The following ITFG1 variants were observed in gnomAD, a reference collection of about 807,000 sequenced individuals.
ITFG1 encodes T-cell immunomodulatory protein.
A neutral mutation model predicts 81.8 loss-of-function variants in ITFG1; 34 were observed. That is an observed-to-expected ratio of 0.42 (90% CI 0.32 to 0.55). The LOEUF (loss-of-function observed/expected upper bound fraction) is 0.55, where lower values mean the gene tolerates loss of function less well. Ranked by LOEUF, ITFG1 falls within the 20% of genes least tolerant of loss-of-function variation. The pLI, the probability that ITFG1 is intolerant of heterozygous loss-of-function variation, is 0.17. For missense variants in ITFG1, 672 were observed against 755.4 expected, an observed-to-expected ratio of 0.89 and a Z score of 1.29; for synonymous variants, 285 against 270.6, an observed-to-expected ratio of 1.05 and a Z score of -0.52.
intron 8 of ITFG1, among the ~76,000 whole-genome samples, chr16:47,353,799 C>CA (rs924449734): frequency 2.6e-5 from 4 of 151,230 alleles, no homozygotes; most frequent in African/African-American, 7.3e-5. Flanking sequence ...ACAATATTTA[C>CA]AAAAAAAATA....
chr16:47,297,560 C>A (rs1249455506), intron 10 of ITFG1, among the ~76,000 whole-genome samples: 1 of 151,386 alleles, frequency 6.6e-6, no homozygotes, highest in Non-Finnish European at 1.5e-5. Flanking sequence ...GCTTTTGTGG[C>A]AAAGACTTTA....
intron 5 of ITFG1, among the ~76,000 whole-genome samples, chr16:47,443,294 T>C (rs964037690): frequency 1.2e-4 from 18 of 152,180 alleles, no homozygotes; most frequent in African/African-American, 4.1e-4. Context: ...TTTTACACTG[T>C]TGGTGGGAGT....
chr16:47,421,575 T>A (rs1247471824), intron 6 of ITFG1, among the ~76,000 whole-genome samples: 2 of 152,164 alleles, frequency 1.3e-5, no homozygotes, highest in Non-Finnish European at 2.9e-5. Flanking sequence ...AGTGCTGGGA[T>A]TACAGGGGTG....
intron 14 of ITFG1, among the ~76,000 whole-genome samples, chr16:47,215,027 T>C (rs996273893): frequency 5.3e-5 from 8 of 152,060 alleles, no homozygotes; most frequent in Non-Finnish European, 7.4e-5. Context: ...CTCTGATCAA[T>C]AGATTGTTTT....
chr16:47,325,191 G>A (rs558603133), intron 8 of ITFG1, among the ~76,000 whole-genome samples: 24 of 152,058 alleles, frequency 1.6e-4, no homozygotes, highest in East Asian at 1.9e-4. Context: ...ACTCAAAACC[G>A]CTCAACTACA....
chr16:47,415,088 C>T (rs558881159), intron 6 of ITFG1, among the ~76,000 whole-genome samples: 1 of 152,268 alleles, frequency 6.6e-6, no homozygotes, highest in African/African-American at 2.4e-5. Context: ...ATTAATGTTC[C>T]CATGTGTCTG....
chr16:47,344,311 A>C (rs1002595978), intron 8 of ITFG1, among the ~76,000 whole-genome samples: 1 of 152,226 alleles, frequency 6.6e-6, no homozygotes, highest in Non-Finnish European at 1.5e-5. Flanking sequence ...AAAGTAGATT[A>C]GTAGTCATCT....
At chr16:47,183,179 G>C (rs968616242) in intron 14 of ITFG1, among the ~76,000 whole-genome samples, 2 of 152,230 alleles carry the variant, frequency 1.3e-5, no homozygotes, top group Non-Finnish European at 2.9e-5. Context: ...AGATCAAACT[G>C]CAAGGCGGCA....
At chr16:47,156,511 C>G (rs1022221890) in intron 17 of ITFG1, among the ~76,000 whole-genome samples, 2 of 152,146 alleles carry the variant, frequency 1.3e-5, no homozygotes, top group Non-Finnish European at 2.9e-5. Context: ...AATACCAATA[C>G]TGTGTTTGCT....
chr16:47,358,875 G>A lies in ITFG1; in HGVS notation c.802+6913C>T, dbSNP rs189881924. The stretch of plus-strand genomic sequence containing the variant: ...AATACACCAATGGAGTTCTGGTGAG[G>A]GCACATGAGTAGAATGAATACCATG... On this transcript the variant is annotated intron_variant, in intron 8 of 17. Coordinates refer to ENST00000320640, the MANE Select transcript of ITFG1 (RefSeq NM_030790.5). Among the ~76,000 whole-genome samples the A allele has an allele frequency of 1.9e-3, 287 of 152,188 alleles. 1 individual carries two copies. The highest frequency in any genetic ancestry group is 6.6e-3 in the African/African-American group (274 of 41,524).
intron 12 of ITFG1, among the ~76,000 whole-genome samples, chr16:47,245,089 G>A (rs1965985443): frequency 6.6e-6 from 1 of 152,168 alleles, no homozygotes; most frequent in South Asian, 2.1e-4. Context: ...GCTCATGCCT[G>A]TAATCCCAGC....
At chr16:47,244,400 TTATCTC>T (rs1161456146) in intron 12 of ITFG1, among the ~76,000 whole-genome samples, 4 of 152,114 alleles carry the variant, frequency 2.6e-5, no homozygotes, top group African/African-American at 9.7e-5. Flanking sequence ...ATCTGACAGA[TTATCTC>T]TAGGTAGATA....
intron 6 of ITFG1, among the ~76,000 whole-genome samples, chr16:47,413,899 C>T (rs927583085): frequency 6.6e-6 from 1 of 152,238 alleles, no homozygotes; most frequent in East Asian, 1.9e-4. Context: ...TGGCTCACTG[C>T]AACCTCTGCC....
chr16:47,335,249 AG>A (rs1967687759), intron 8 of ITFG1, among the ~76,000 whole-genome samples: 1 of 151,860 alleles, frequency 6.6e-6, no homozygotes, highest in African/African-American at 2.4e-5. Context: ...CCCAGCTACT[AG>A]GGAGGCTGAG....
intron 13 of ITFG1, among the ~76,000 whole-genome samples, chr16:47,227,053 G>A (rs1434091954): frequency 6.6e-6 from 1 of 152,154 alleles, no homozygotes; most frequent in Non-Finnish European, 1.5e-5. Flanking sequence ...TACACCATCT[G>A]TATAATGAAC....
chr16:47,178,941 G>A (rs1331351626), intron 14 of ITFG1, among the ~76,000 whole-genome samples: 1 of 152,120 alleles, frequency 6.6e-6, no homozygotes, highest in East Asian at 1.9e-4. Flanking sequence ...CTTCTCAAAA[G>A]AAGACATTTA....
chr16:47,224,745 C>G (rs183113920), intron 13 of ITFG1, among the ~76,000 whole-genome samples: 1 of 152,212 alleles, frequency 6.6e-6, no homozygotes, highest in Admixed American at 6.5e-5. Flanking sequence ...CAAGGAAGCA[C>G]AGATGTTAGA....
intron 6 of ITFG1, among the ~76,000 whole-genome samples, chr16:47,419,203 T>C (rs781221935): frequency 6.6e-6 from 1 of 152,198 alleles, no homozygotes; most frequent in Non-Finnish European, 1.5e-5. Flanking sequence ...AGGTGGAGCG[T>C]AGTTGCTATT....
chr16:47,265,120 A>ATTC (rs1402280470), intron 10 of ITFG1, among the ~76,000 whole-genome samples: 10 of 151,758 alleles, frequency 6.6e-5, no homozygotes, highest in Non-Finnish European at 1.2e-4. Context: ...TATTATTATT[A>ATTC]TTATTATGTA....
Sources: gnomAD v4.1 joint callset for allele counts (sites outside exome capture counted in the v4.1 genomes callset) on GRCh38, gnomAD v4.1.1 for gene constraint, MANE v1.5 for transcripts, NCBI Gene and HGNC (gene_info 2026-07-23, HGNC 2026-07-21) for gene names.